The following HMGCS1 variants were observed in gnomAD, a reference collection of about 807,000 sequenced individuals.
The protein encoded by HMGCS1 is 3-hydroxy-3-methylglutaryl-CoA synthase 1.
In HMGCS1, 9 loss-of-function variants were observed where a neutral mutation model predicts 52.3. The ratio of observed to expected loss-of-function variants is 0.17; its 90% CI spans 0.10 to 0.30. The LOEUF is 0.30. Among genes scored for constraint, HMGCS1 ranks in the 10% least tolerant of loss-of-function variants. The probability of loss-of-function intolerance (pLI) is 1.00; values close to 1 mark genes in which losing one functional copy is unlikely to be tolerated. For missense variants in HMGCS1, 320 were observed against 620.9 expected, an observed-to-expected ratio of 0.52 and a Z score of 5.15; for synonymous variants, 176 against 214.4, an observed-to-expected ratio of 0.82 and a Z score of 1.57.
intron 2 of HMGCS1, among the ~76,000 whole-genome samples, chr5:43,303,223 T>C (rs1241352944): frequency 1.3e-5 from 2 of 152,260 alleles, no homozygotes; most frequent in African/African-American, 2.4e-5. Context: ...ATGTCTGGGT[T>C]TCCCCACCAA....
At chr5:43,311,240 T>C (rs1754848069) in intron 1 of HMGCS1, among the ~76,000 whole-genome samples, 1 of 147,354 alleles carries the variant, frequency 6.8e-6, no homozygotes, top group Non-Finnish European at 1.5e-5. Context: ...GGCAGGAGAA[T>C]CACTGGGAGG....
Position 43,294,166 on chromosome 5 carries a change from T to C in HMGCS1, c.1077-4A>G, listed in dbSNP as rs758486909. Reference sequence around the variant, plus strand: ...TGCTAATTGCTGAGGTGAGTACCTATGTAGGGTGTAACAATAGTTCAGAAG... The same window carrying C: ...TGCTAATTGCTGAGGTGAGTACCTACGTAGGGTGTAACAATAGTTCAGAAG... On this transcript the variant is annotated splice_region_variant and splice_polypyrimidine_tract_variant and intron_variant, in intron 7 of 10. Coordinates refer to ENST00000325110, the MANE Select transcript of HMGCS1 (RefSeq NM_001098272.3). The C allele has an allele frequency of 3.2e-6, 5 of 1,565,108 alleles. No homozygotes were observed. Among genetic ancestry groups the C allele is most frequent in the African/African-American group, 2.7e-5 (2 of 73,972 alleles).
intron 10 of HMGCS1, among the ~76,000 whole-genome samples, chr5:43,291,886 C>T (rs1753784710): frequency 6.6e-6 from 1 of 151,974 alleles, no homozygotes; most frequent in Non-Finnish European, 1.5e-5. Context: ...CCCTCTACTC[C>T]ATCTCTCACA....
At chr5:43,295,717 T>G in intron 6 of HMGCS1, 35 bp downstream of exon 6, 1 of 1,522,816 alleles carries the variant, frequency 6.6e-7, no homozygotes, top group South Asian at 1.1e-5. Context: ...AATGCTCTAA[T>G]ATAGAAGGAA....
Position 43,297,153 on chromosome 5 carries a change from T to C in HMGCS1, c.588A>G (p.Thr196=), listed in dbSNP as rs763416035. ...PLIFERGLRG[T]HMQHAYDFYK... ...AAAAATCATAGGCATGTTGCATATG[T>C]GTCCCACGAAGCCCTATTAGAACCA... Residue 196 remains threonine, a synonymous_variant, in exon 5 of 11, where the codon ACA becomes ACG. Transcript: ENST00000325110. 26 of 1,612,242 alleles carry C rather than the reference T, an allele frequency of 1.6e-5. No homozygotes were observed. The highest frequency in any genetic ancestry group is 2.1e-5 in the Non-Finnish European group (25 of 1,179,316).
rs765994544 is a variant in HMGCS1, at chr5:43,292,529, T to C, written c.1418A>G (p.Asn473Ser). 9.9e-6 allele frequency: 16 copies of C among 1,614,028 alleles called. No individual in the cohort carries two copies. The highest frequency in any genetic ancestry group is 1.4e-5 in the Non-Finnish European group (16 of 1,179,916). The change falls in exon 10 of 11, where the codon AAT becomes AGT. Residue 473 changes from asparagine (N) to serine (S), a missense_variant. Transcript: ENST00000325110. ...RRTYARRPTP[N>S]DDTLDEGVGL... Reference sequence around the variant, plus strand: ...TACTCCTTCATCCAAAGTGTCATCATTTGGAGTGGGACGCCGAGCGTAAGT... The same window carrying C: ...TACTCCTTCATCCAAAGTGTCATCACTTGGAGTGGGACGCCGAGCGTAAGT...
intron 6 of HMGCS1, among the ~76,000 whole-genome samples, chr5:43,295,389 C>T (rs1753981347): frequency 6.6e-6 from 1 of 152,132 alleles, no homozygotes; most frequent in African/African-American, 2.4e-5. Flanking sequence ...CAAAAGCTGA[C>T]TTTAGCTGTG....
intron 2 of HMGCS1, among the ~76,000 whole-genome samples, chr5:43,306,758 A>G (rs765302974): frequency 1.8e-4 from 27 of 152,170 alleles, no homozygotes; most frequent in Non-Finnish European, 3.4e-4. Context: ...TTTCTCCTCT[A>G]TTATTTAGGC....
intron 2 of HMGCS1, among the ~76,000 whole-genome samples, chr5:43,302,890 A>C (rs1561121380): frequency 1.3e-5 from 2 of 152,242 alleles, no homozygotes; most frequent in Non-Finnish European, 2.9e-5. Flanking sequence ...ACGGAAAATT[A>C]CAGGTATTAA....
At chr5:43,292,815 T>C (rs1270053949) in intron 9 of HMGCS1, 33 bp downstream of exon 9, 1 of 1,607,820 alleles carries the variant, frequency 6.2e-7, no homozygotes, top group African/African-American at 1.3e-5. Flanking sequence ...GCCCTCCAAA[T>C]GGGTTAACTT....
Position 43,291,033 on chromosome 5 carries a change from C to G in HMGCS1, c.*98G>C. ...CATAAAAATTTACATAACATGTAAT[C>G]CTTTAAAATTATCCCCAGATATCCC... On this transcript the variant is annotated 3_prime_UTR_variant, in exon 11 of 11. Coordinates refer to ENST00000325110, the MANE Select transcript of HMGCS1 (RefSeq NM_001098272.3). The G allele has an allele frequency of 1.3e-6, 1 of 745,298 alleles. No individual in the cohort carries two copies. The highest frequency in any genetic ancestry group is 2.4e-6 in the Non-Finnish European group (1 of 415,280). The allele number at this position is 745,298 out of a possible 1,614,324, so 46.2% of individuals were successfully genotyped here.
intron 8 of HMGCS1, 83 bp downstream of exon 8, chr5:43,293,973 C>T (rs1753907528): frequency 1.1e-5 from 10 of 919,312 alleles, no homozygotes; most frequent in South Asian, 1.1e-4. Context: ...CCTCGGCCTC[C>T]CAAACTGCTG....
Position 43,310,027 on chromosome 5 carries a change from CTATAAAA to C in HMGCS1, c.-69-2210_-69-2204del, listed in dbSNP as rs1442992270. Among the ~76,000 whole-genome samples, 14 of 152,298 alleles carry C rather than the reference CTATAAAA, an allele frequency of 9.2e-5. No individual in the cohort carries two copies. In the East Asian group the frequency reaches 2.3e-3, roughly 25 times the overall value. On this transcript the variant is annotated intron_variant, in intron 1 of 10. Transcript: ENST00000325110. ...TTGCCTACACATTTTGGTATGTAAA[CTATAAAA>C]TATAAACAGTTACCTATTGATCTTT...
intron 7 of HMGCS1, 35 bp downstream of exon 7, chr5:43,294,656 A>C: frequency 6.8e-7 from 1 of 1,476,354 alleles, no homozygotes; most frequent in Non-Finnish European, 9.2e-7. Flanking sequence ...CTCCCAAATA[A>C]GGGGAGTTAA....
chr5:43,312,714 A>C (rs1754932177), intron 1 of HMGCS1, among the ~76,000 whole-genome samples: 3 of 152,182 alleles, frequency 2.0e-5, no homozygotes, highest in Admixed American at 2.0e-4. Context: ...ATATGGAGGC[A>C]GGAAGGCGGG....
In HMGCS1 at chr5:43,292,934, A is replaced by G; in HGVS notation, c.1223T>C (p.Leu408Pro). The G allele has an allele frequency of 3.1e-6, 5 of 1,607,882 alleles. No individual in the cohort carries two copies. The highest frequency in any genetic ancestry group is 4.2e-6 in the Non-Finnish European group (5 of 1,177,930). ...LDKITASLCDLKSRLDSRTGV... is the reference protein window; with the variant it reads ...LDKITASLCDPKSRLDSRTGV... ...AGTTCTTGAATCAAGCCTTGATTTA[A>G]GATCACATAAACTTGCTGTTATTTT... is the stretch of plus-strand genomic sequence containing the variant. Residue 408 changes from leucine (L) to proline (P), a missense_variant, in exon 9 of 11, where the codon CTT (leucine) becomes CCT (proline). This residue lies in a region of HMGCS1 where 213 missense variants were observed against 337.4 expected (regional missense o/e 0.63). Transcript: ENST00000325110.
chr5:43,305,016 C>T (rs1449219162), intron 2 of HMGCS1, among the ~76,000 whole-genome samples: 28 of 150,898 alleles, frequency 1.9e-4, no homozygotes, highest in Admixed American at 1.1e-3. Flanking sequence ...GACGGAGTTT[C>T]GCTCTTGTTG....
At chr5:43,309,367 G>A (rs1013806878) in intron 1 of HMGCS1, among the ~76,000 whole-genome samples, 1 of 151,834 alleles carries the variant, frequency 6.6e-6, no homozygotes, top group Non-Finnish European at 1.5e-5. Flanking sequence ...GACCCCGCAA[G>A]TAGCTGGGAC....
chr5:43,312,649 T>G (rs1754927656), intron 1 of HMGCS1, among the ~76,000 whole-genome samples: 1 of 152,096 alleles, frequency 6.6e-6, no homozygotes, highest in Non-Finnish European at 1.5e-5. Flanking sequence ...AGGAGAGAGA[T>G]GTGGGATTTC....
Sources: gnomAD v4.1 joint callset for allele counts (sites outside exome capture counted in the v4.1 genomes callset) on GRCh38, gnomAD v4.1.1 for gene constraint, gnomAD v4.1.1 regional missense constraint, MANE v1.5 for transcripts, NCBI Gene and HGNC (gene_info 2026-07-23, HGNC 2026-07-21) for gene names.